ABCG8: variants seen among roughly 807,000 people sequenced by gnomAD.
ABCG8 encodes the protein ATP binding cassette subfamily G member 8.
ABCG8 carries 81 observed loss-of-function variants against 71.3 expected under a neutral mutation model. The ratio of observed to expected loss-of-function variants is 1.14; its 90% CI spans 0.95 to 1.37. The LOEUF is 1.37. ABCG8 is among the 40% of genes most tolerant of loss of function. ABCG8 has a pLI of 0.00. For synonymous variants in ABCG8, 451 were observed against 354.7 expected, an observed-to-expected ratio of 1.27 and a Z score of -3.05; for missense variants, 1,119 against 866.2, an observed-to-expected ratio of 1.29 and a Z score of -3.66.
At chr2:43,840,134 G>A (rs1359329282) in intron 1 of ABCG8, among the ~76,000 whole-genome samples, 3 of 152,144 alleles carry the variant, frequency 2.0e-5, no homozygotes, top group Admixed American at 1.3e-4. Context: ...GCCTGTTGTG[G>A]GTAGGAGGGA....
At chr2:43,872,823 G>A (rs1041644534) in intron 8 of ABCG8, among the ~76,000 whole-genome samples, 3 of 152,166 alleles carry the variant, frequency 2.0e-5, no homozygotes, top group African/African-American at 4.8e-5. Flanking sequence ...CTGGAAGATC[G>A]TAGAAATAGC....
intron 1 of ABCG8, among the ~76,000 whole-genome samples, chr2:43,842,345 A>G (rs911504449): frequency 1.3e-5 from 2 of 152,202 alleles, no homozygotes; most frequent in African/African-American, 4.8e-5. Context: ...TGATTCAACA[A>G]CAACAACAAA....
intron 1 of ABCG8, among the ~76,000 whole-genome samples, chr2:43,841,857 C>A (rs572013784): frequency 9.6e-4 from 146 of 152,324 alleles, no homozygotes; most frequent in African/African-American, 3.4e-3. Context: ...TCAGCGCCTC[C>A]TCCATGCCTA....
intron 2 of ABCG8, 142 bp downstream of exon 2, chr2:43,844,750 G>T: frequency 1.5e-6 from 1 of 680,392 alleles, no homozygotes; most frequent in Non-Finnish European, 2.7e-6. Flanking sequence ...TGCCTCACGT[G>T]TCAGGTGCAA....
rs768950847 is a variant in ABCG8 at position 43,877,684 on chromosome 2, A to G, written c.1880A>G (p.Asp627Gly). The G allele has an allele frequency of 1.2e-6, 2 of 1,613,986 alleles. No individual in the cohort carries two copies. Among genetic ancestry groups the G allele is most frequent in the East Asian group, 2.2e-5 (1 of 44,866 alleles). Residue 627 changes from aspartate (D) to glycine (G), a missense_variant, in exon 12 of 13, where the codon GAT becomes GGT. Physicochemically the swap from Asp to Gly is moderately conservative, Grantham distance 94. Transcript: ENST00000272286. Reference sequence around the variant, plus strand: ...AACCTCACCATCGCGGTCTCAGGAGATAAAGTAAGCGGGGAAGGCCTCGGG... The same window carrying G: ...AACCTCACCATCGCGGTCTCAGGAGGTAAAGTAAGCGGGGAAGGCCTCGGG... ...LGNLTIAVSG[D>G]KILSVMELDS...
At chr2:43,870,149 C>G (rs1372313437) in intron 6 of ABCG8, among the ~76,000 whole-genome samples, 2 of 152,126 alleles carry the variant, frequency 1.3e-5, no homozygotes, top group Non-Finnish European at 2.9e-5. Context: ...GGAACTCTCA[C>G]TACCTGTCTC....
intron 3 of ABCG8, 113 bp downstream of exon 3, chr2:43,846,424 G>A: frequency 6.9e-7 from 1 of 1,459,660 alleles, no homozygotes; most frequent in Non-Finnish European, 9.5e-7. Context: ...GAATAATACA[G>A]CAGAATGGCT....
At chr2:43,868,967 A>T (rs879657924) in intron 6 of ABCG8, among the ~76,000 whole-genome samples, 1 of 152,118 alleles carries the variant, frequency 6.6e-6, no homozygotes, top group Non-Finnish European at 1.5e-5. Flanking sequence ...CCATCTCGAT[A>T]GAACTCTCAC....
At chr2:43,877,014 G>A (rs1249939073) in intron 11 of ABCG8, among the ~76,000 whole-genome samples, 4 of 151,242 alleles carry the variant, frequency 2.6e-5, no homozygotes, top group South Asian at 2.1e-4. Context: ...ATGGGAATAT[G>A]AAGAAACTGT....
chr2:43,839,099 ACTC>A lies in ABCG8; in HGVS notation c.48_50del (p.Pro17del). 3.2e-6 allele frequency: 5 copies of A among 1,551,122 alleles called. No homozygotes were observed. Among genetic ancestry groups the A allele is most frequent in the Non-Finnish European group, 4.4e-6 (5 of 1,146,774 alleles). On this transcript the variant is annotated inframe_deletion, in exon 1 of 13. Coordinates refer to ENST00000272286, the MANE Select transcript of ABCG8 (RefSeq NM_022437.3). ...GGAGAGAGGGCTGCCGAAAGGGGCC[ACTC>A]CCCAGGATACCTCGGTGAGTGAGCA...
chr2:43,859,622 A>G (rs1440369919), intron 6 of ABCG8, among the ~76,000 whole-genome samples: 1 of 150,270 alleles, frequency 6.7e-6, no homozygotes, highest in Non-Finnish European at 1.5e-5. Flanking sequence ...TCTGGATAGA[A>G]CTCTCACTAT....
rs1314534979 is a variant in ABCG8 at position 43,877,812 on chromosome 2, T to G, written c.1921T>G (p.Tyr641Asp). 1 of 1,614,200 alleles carries G rather than the reference T, an allele frequency of 6.2e-7. No individual in the cohort carries two copies. Among genetic ancestry groups the G allele is most frequent in the Non-Finnish European group, 8.5e-7 (1 of 1,180,026 alleles). The change falls in exon 13 of 13, where the codon TAC (tyrosine) becomes GAC (aspartate). Residue 641 changes from tyrosine (Y) to aspartate (D), a missense_variant. Coordinates refer to ENST00000272286, the MANE Select transcript of ABCG8 (RefSeq NM_022437.3). ...SVMELDSYPL[Y>D]AIYLIVIGLS... is the part of the protein sequence containing the mutation. ...CATGGAGCTGGACTCGTACCCTCTC[T>G]ACGCCATCTACCTCATCGTCATTGG...
At chr2:43,856,367 T>C (rs1445268055) in intron 6 of ABCG8, among the ~76,000 whole-genome samples, 2 of 151,814 alleles carry the variant, frequency 1.3e-5, no homozygotes, top group African/African-American at 4.8e-5. Context: ...CCTGTCTGGA[T>C]AGAACTCTCA....
At position 43,851,746 on chromosome 2, in the gene ABCG8, C is replaced by T. The variant is rs755956704; in HGVS notation, c.485C>T (p.Thr162Ile). The T allele has an allele frequency of 3.7e-6, 6 of 1,614,158 alleles. No homozygotes were observed. The South Asian group carries it at 5.5e-5, about 15-fold the overall frequency. The change falls in exon 4 of 13, where the codon ACT (threonine) becomes ATT (isoleucine). Residue 162 changes from threonine (T) to isoleucine (I), a missense_variant. Transcript: ENST00000272286. ...RQHNQLLPNLTVRETLAFIAQ... is the reference protein window; with the variant it reads ...RQHNQLLPNLIVRETLAFIAQ... ...CACAACCAGCTGCTCCCCAACTTGA[C>T]TGTGCGAGAGACCTTGGCCTTCATT...
rs192494897 is a variant in ABCG8 at position 43,868,070 on chromosome 2, G to T, written c.965-3906G>T. Among the ~76,000 whole-genome samples, 194 of 151,700 alleles carry T rather than the reference G, an allele frequency of 1.3e-3. 2 individuals carry two copies. The highest frequency in any genetic ancestry group is 3.3e-3 in the Admixed American group (51 of 15,250). On this transcript the variant is annotated intron_variant, in intron 6 of 12. Coordinates refer to ENST00000272286, the MANE Select transcript of ABCG8 (RefSeq NM_022437.3). ...GGATAGAGCTCTCACTATCTATCTCGATATAATTTTCATTCTCTGGATAGA... is the reference window on the plus strand; with the variant it reads ...GGATAGAGCTCTCACTATCTATCTCTATATAATTTTCATTCTCTGGATAGA...
In ABCG8 at chr2:43,872,136, A is replaced by G. The variant is rs371968769; in HGVS notation, c.1125A>G (p.Glu375=). 19 of 1,613,992 alleles carry G rather than the reference A, an allele frequency of 1.2e-5. No individual in the cohort carries two copies. The highest frequency in any genetic ancestry group is 1.4e-5 in the Non-Finnish European group (17 of 1,180,034). ...TKDLDEDTCV[E]SSVTPLDTNC... is the part of the protein sequence containing the mutation. Reference sequence around the variant, plus strand: ...ATCTTGACGAGGACACCTGTGTGGAAAGGTAAGGTGGCAGGCGACTCTGAG... The same window carrying G: ...ATCTTGACGAGGACACCTGTGTGGAGAGGTAAGGTGGCAGGCGACTCTGAG... The change falls in exon 7 of 13, where the codon GAA becomes GAG. Residue 375 remains glutamate, a splice_region_variant and synonymous_variant. Coordinates refer to ENST00000272286, the MANE Select transcript of ABCG8 (RefSeq NM_022437.3).
chr2:43,854,053 G>A (rs932574376), intron 6 of ABCG8, among the ~76,000 whole-genome samples: 3 of 152,218 alleles, frequency 2.0e-5, no homozygotes, highest in South Asian at 2.1e-4. Flanking sequence ...CCTGGCCATC[G>A]GGGAATAATT....
At chr2:43,862,233 TGTCTGGATAGAATTCTCAGC>T (rs1669348656) in intron 6 of ABCG8, among the ~76,000 whole-genome samples, 1 of 150,542 alleles carries the variant, frequency 6.6e-6, no homozygotes, top group African/African-American at 2.4e-5. Context: ...TCTCACTATC[TGTCTGGATAGAATTCTCAGC>T]ATCTGGATAG....
intron 1 of ABCG8, 48 bp from the exon 2 acceptor site, chr2:43,844,459 T>C (rs1408151115): frequency 1.3e-6 from 2 of 1,483,362 alleles, no homozygotes; most frequent in Non-Finnish European, 1.9e-6. Context: ...TTCTCCTATG[T>C]TCTCAGCAGC....
Sources: allele counts gnomAD v4.1 joint callset (sites outside exome capture counted in the v4.1 genomes callset), GRCh38; gene constraint gnomAD v4.1.1; transcripts MANE v1.5; gene names NCBI Gene and HGNC (gene_info 2026-07-23, HGNC 2026-07-21).